Variants in ZNF567 observed in about 807,000 individuals in gnomAD.
ZNF567 encodes zinc finger protein 567.
Under a neutral mutation model 53.9 loss-of-function variants are expected in ZNF567, and 36 were observed. That is an observed-to-expected ratio of 0.67 (90% CI 0.51 to 0.88). ZNF567 has a LOEUF of 0.88. ZNF567 is among the 40% of genes least tolerant of loss of function. ZNF567 has a pLI of 0.00. For synonymous variants in ZNF567, 224 were observed against 260.4 expected (o/e 0.86, Z 1.35); for missense variants, 619 against 764.7 (o/e 0.81, Z 2.25).
chr19:36,670,366 C>G, the ZNF567 span, among the ~76,000 whole-genome samples: 1 of 152,036 alleles, frequency 6.6e-6, no homozygotes, highest in Non-Finnish European at 1.5e-5. Context: ...CTAAAACTGT[C>G]TCCACCTAGA....
chr19:36,681,084 A>AT, the ZNF567 span, among the ~76,000 whole-genome samples: 5 of 152,086 alleles, frequency 3.3e-5, no homozygotes, highest in Non-Finnish European at 7.4e-5. Context: ...ACATTGTTAT[A>AT]TTTTTTAATT....
downstream of ZNF567, among the ~76,000 whole-genome samples, chr19:36,722,859 A>C (rs1249102115): frequency 1.3e-5 from 2 of 152,076 alleles, no homozygotes; most frequent in Non-Finnish European, 2.9e-5. Flanking sequence ...CACAGAAAAC[A>C]CACGTGTGTG....
chr19:36,718,814 C>A, intron 5 of ZNF567, 134 bp from the exon 6 acceptor site: 1 of 618,812 alleles, frequency 1.6e-6, no homozygotes, highest in Middle Eastern at 4.7e-4. Flanking sequence ...GGTTCCCCTC[C>A]CCGCACCCCT....
At chr19:36,718,367 C>T (rs905589133) in intron 5 of ZNF567, among the ~76,000 whole-genome samples, 2 of 152,114 alleles carry the variant, frequency 1.3e-5, no homozygotes, top group African/African-American at 4.8e-5. Flanking sequence ...GGCGTGGTGG[C>T]ACATGCCTGT....
chr19:36,697,891 G>C (rs962587765), intron 3 of ZNF567, among the ~76,000 whole-genome samples: 8 of 149,008 alleles, frequency 5.4e-5, no homozygotes, highest in African/African-American at 2.0e-4. Flanking sequence ...CATTACAGGT[G>C]TGAGCCACCA....
chr19:36,669,638 C>G, the ZNF567 span, among the ~76,000 whole-genome samples: 1 of 152,138 alleles, frequency 6.6e-6, no homozygotes, highest in African/African-American at 2.4e-5. Flanking sequence ...CATGTTGGGA[C>G]TCAGTGTTGG....
intron 5 of ZNF567, among the ~76,000 whole-genome samples, chr19:36,715,795 C>T (rs1343401518): frequency 1.3e-5 from 2 of 152,046 alleles, no homozygotes; most frequent in Non-Finnish European, 2.9e-5. Context: ...TCCCAAAGTG[C>T]TGGGATTACA....
At chr19:36,670,336 G>A in the ZNF567 span, among the ~76,000 whole-genome samples, 1 of 152,266 alleles carries the variant, frequency 6.6e-6, no homozygotes, top group Admixed American at 6.5e-5. Context: ...GTTATGGTGG[G>A]AGAGGCCAGG....
At chr19:36,704,084 A>G (rs1412512461) in intron 3 of ZNF567, among the ~76,000 whole-genome samples, 3 of 152,184 alleles carry the variant, frequency 2.0e-5, no homozygotes, top group African/African-American at 2.4e-5. Context: ...TCTTTTTTAA[A>G]TGATTGAAGA....
the ZNF567 span, among the ~76,000 whole-genome samples, chr19:36,675,690 T>A: frequency 3.3e-5 from 5 of 149,866 alleles, no homozygotes; most frequent in South Asian, 2.1e-4. Context: ...TAATAAAAAA[T>A]AATAATAAAT....
intron 5 of ZNF567, chr19:36,714,571 A>G (rs1363366021): frequency 2.5e-6 from 1 of 395,816 alleles, no homozygotes; most frequent in African/African-American, 2.1e-5. Context: ...CCTTCATACC[A>G]CCTCGGCTTT....
Position 36,719,422 on chromosome 19 carries a change from A to G in ZNF567, c.698A>G (p.Lys233Arg). The G allele has an allele frequency of 3.7e-6, 6 of 1,613,580 alleles. No individual in the cohort carries two copies. The highest frequency in any genetic ancestry group is 5.1e-6 in the Non-Finnish European group (6 of 1,179,898). ...CTGATTACACATAGTAGACCTTACA[A>G]AGGAGAAAACCCATCTGTATATAAT... ...GGLITHSRPY[K>R]GENPSVYNKK... Residue 233 changes from lysine to arginine, a missense_variant, in exon 6 of 6, where the codon AAA (lysine) becomes AGA (arginine). Physicochemically the swap from Lys to Arg is conservative, Grantham distance 26. Coordinates refer to ENST00000682579, the MANE Select transcript of ZNF567 (RefSeq NM_001322917.1).
chr19:36,723,345 G>T (rs529301048), downstream of ZNF567: 245 of 680,378 alleles, frequency 3.6e-4, 1 homozygote, highest in Non-Finnish European at 2.8e-4. Flanking sequence ...AGTATCTGTG[G>T]CATCACTGCA....
At chr19:36,701,971 G>C (rs2039216591) in intron 3 of ZNF567, among the ~76,000 whole-genome samples, 2 of 151,474 alleles carry the variant, frequency 1.3e-5, no homozygotes, top group South Asian at 4.2e-4. Flanking sequence ...TCATTATGAT[G>C]ATAGCTGGTT....
At chr19:36,723,556 C>T (rs570522465), downstream of ZNF567, among the ~76,000 whole-genome samples, 3 of 152,300 alleles carry the variant, frequency 2.0e-5, no homozygotes, top group Admixed American at 2.0e-4. Context: ...ACTTTTGAGG[C>T]TGGGCGTGGT....
At chr19:36,685,749 C>T (rs2038253221), upstream of ZNF567, 1 of 152,152 alleles carries the variant, frequency 6.6e-6, no homozygotes. Flanking sequence ...TTATTTATTG[C>T]TATATAACCA....
chr19:36,682,701 A>G (rs3108206), upstream of ZNF567, among the ~76,000 whole-genome samples: 101,042 of 150,312 alleles, frequency 0.67, 34,265 homozygotes, highest in East Asian at 0.82. Context: ...TCCACCTCCC[A>G]GGTTCACGCC....
intron 3 of ZNF567, among the ~76,000 whole-genome samples, chr19:36,695,294 C>T (rs564888693): frequency 6.6e-6 from 1 of 151,234 alleles, no homozygotes; most frequent in Non-Finnish European, 1.5e-5. Context: ...TTTGGGAGGC[C>T]GAGGTGGGCA....
the ZNF567 span, among the ~76,000 whole-genome samples, chr19:36,681,928 A>G: frequency 6.6e-6 from 1 of 152,154 alleles, no homozygotes; most frequent in African/African-American, 2.4e-5. Context: ...GACTTAAGAC[A>G]TACAACCAGA....
Sources: gnomAD v4.1 joint callset for allele counts (sites outside exome capture counted in the v4.1 genomes callset) on GRCh38, gnomAD v4.1.1 for gene constraint, MANE v1.5 for transcripts, NCBI Gene and HGNC (gene_info 2026-07-23, HGNC 2026-07-21) for gene names.